COBLL1: variants seen among roughly 807,000 people sequenced by gnomAD.
The protein encoded by COBLL1 is cordon-bleu protein-like 1.
A neutral mutation model predicts 94.8 loss-of-function variants in COBLL1; 50 were observed. The ratio of observed to expected loss-of-function variants is 0.53; its 90% CI spans 0.42 to 0.67. The LOEUF (loss-of-function observed/expected upper bound fraction) is 0.67, where lower values mean the gene tolerates loss of function less well. Ranked by LOEUF, COBLL1 falls within the 30% of genes least tolerant of loss-of-function variation. The probability of loss-of-function intolerance (pLI) is 0.00; values close to 1 mark genes in which losing one functional copy is unlikely to be tolerated. For missense variants in COBLL1, 1,362 were observed against 1,348.7 expected (o/e 1.01, Z -0.15); for synonymous variants, 448 against 473.8 (o/e 0.95, Z 0.71).
intron 2 of COBLL1, among the ~76,000 whole-genome samples, chr2:164,757,343 A>G (rs972851227): frequency 3.3e-5 from 5 of 152,198 alleles, no homozygotes; most frequent in African/African-American, 1.2e-4. Context: ...ACATTTATTC[A>G]CTCAGGATCA....
At chr2:164,841,975 C>G (rs762926514), upstream of COBLL1, 19 of 1,539,690 alleles carry the variant, frequency 1.2e-5, no homozygotes, top group Non-Finnish European at 1.7e-5. This position sits in a 1 kb window ranked among gnomAD's most constrained non-coding sequence, Gnocchi z 5.5. Flanking sequence ...ATTTCCCTGC[C>G]CGGAGTCCGG....
chr2:164,776,449 T>C (rs1574566937), intron 2 of COBLL1, among the ~76,000 whole-genome samples: 1 of 152,286 alleles, frequency 6.6e-6, no homozygotes, highest in South Asian at 2.1e-4. Flanking sequence ...ATGCTTTTCC[T>C]CACTCAGATC....
intron 2 of COBLL1, among the ~76,000 whole-genome samples, chr2:164,774,123 A>G (rs1688347712): frequency 6.6e-6 from 1 of 152,174 alleles, no homozygotes; most frequent in East Asian, 1.9e-4. Context: ...ACATCTGTAT[A>G]ATATTTTTTA....
At chr2:164,767,004 A>T (rs1263220800) in intron 2 of COBLL1, among the ~76,000 whole-genome samples, 1 of 152,190 alleles carries the variant, frequency 6.6e-6, no homozygotes, top group Non-Finnish European at 1.5e-5. Flanking sequence ...TTTGGTATAA[A>T]TGTTCAGTAT....
At chr2:164,829,036 T>A (rs2097150547) in intron 2 of COBLL1, among the ~76,000 whole-genome samples, 1 of 152,174 alleles carries the variant, frequency 6.6e-6, no homozygotes, top group Non-Finnish European at 1.5e-5. Flanking sequence ...TCTCTTTTGC[T>A]TTTTGTGACA....
chr2:164,703,489 GA>G (rs1203200885), intron 9 of COBLL1: 44 of 400,582 alleles, frequency 1.1e-4, no homozygotes, highest in Middle Eastern at 7.3e-4. Context: ...TTCCTTTGTG[GA>G]AAAAAATGGT....
At chr2:164,749,720 T>C (rs1322999174) in intron 2 of COBLL1, among the ~76,000 whole-genome samples, 1 of 152,140 alleles carries the variant, frequency 6.6e-6, no homozygotes, top group East Asian at 1.9e-4. Flanking sequence ...AGTGAGTATG[T>C]CAAAAGGGCT....
At chr2:164,787,608 C>T (rs372346328) in intron 2 of COBLL1, among the ~76,000 whole-genome samples, 1 of 152,064 alleles carries the variant, frequency 6.6e-6, no homozygotes, top group Non-Finnish European at 1.5e-5. Context: ...GCTTCTTATA[C>T]CTTTCCACTC....
chr2:164,744,295 A>G (rs1310305267), intron 2 of COBLL1, among the ~76,000 whole-genome samples: 2 of 151,974 alleles, frequency 1.3e-5, no homozygotes, highest in African/African-American at 4.8e-5. Context: ...CCTTCATCCT[A>G]TTTGTTTCCG....
intron 7 of COBLL1, among the ~76,000 whole-genome samples, chr2:164,710,463 A>G (rs1323335746): frequency 1.3e-5 from 2 of 152,242 alleles, no homozygotes; most frequent in African/African-American, 2.4e-5. Flanking sequence ...ACAGCATTTA[A>G]GTAATATTTA....
chr2:164,758,216 T>TA (rs776731521), intron 2 of COBLL1, among the ~76,000 whole-genome samples: 2 of 151,686 alleles, frequency 1.3e-5, no homozygotes, highest in African/African-American at 2.4e-5. Context: ...CAGATACCAA[T>TA]AACTTAAAAA....
intron 7 of COBLL1, among the ~76,000 whole-genome samples, chr2:164,711,798 T>C (rs1456634986): frequency 6.6e-6 from 1 of 152,164 alleles, no homozygotes; most frequent in East Asian, 1.9e-4. Flanking sequence ...TCTAAAGGCT[T>C]TACAAAATGA....
downstream of COBLL1, among the ~76,000 whole-genome samples, chr2:164,677,837 T>C (rs111770209): frequency 0.014 from 2,129 of 152,296 alleles, 47 homozygotes; most frequent in African/African-American, 0.048. Context: ...TTAGATATTA[T>C]AGAATTCCCT....
chr2:164,699,248 G>T (rs1408195039), intron 11 of COBLL1, among the ~76,000 whole-genome samples, 157 bp downstream of exon 11: 1 of 151,774 alleles, frequency 6.6e-6, no homozygotes, highest in African/African-American at 2.4e-5. Flanking sequence ...TCTGTAAAAT[G>T]GAACTAAAAA....
chr2:164,746,677 T>C (rs558223142), intron 2 of COBLL1, among the ~76,000 whole-genome samples: 1 of 151,998 alleles, frequency 6.6e-6, no homozygotes, highest in East Asian at 1.9e-4. Flanking sequence ...ACAATAAAGT[T>C]GAAAAATCAT....
chr2:164,673,068 TA>T (rs2105388486), intron 1 of COBLL1, among the ~76,000 whole-genome samples: 1 of 152,334 alleles, frequency 6.6e-6, no homozygotes, highest in Admixed American at 6.5e-5. Context: ...TCATGAAATA[TA>T]ATTTTGGAAA....
At chr2:164,829,758 AT>A (rs1279183912) in intron 2 of COBLL1, among the ~76,000 whole-genome samples, 1 of 152,136 alleles carries the variant, frequency 6.6e-6, no homozygotes, top group Non-Finnish European at 1.5e-5. Context: ...ATACTTTAAA[AT>A]TTTTTTCTTG....
intron 2 of COBLL1, among the ~76,000 whole-genome samples, chr2:164,765,548 T>C (rs540856367): frequency 3.9e-5 from 6 of 152,160 alleles, no homozygotes; most frequent in Non-Finnish European, 7.4e-5. Flanking sequence ...AATGGCTATG[T>C]GTGGATTTTC....
intron 2 of COBLL1, among the ~76,000 whole-genome samples, chr2:164,808,473 A>G (rs1457046787): frequency 6.6e-6 from 1 of 152,152 alleles, no homozygotes; most frequent in East Asian, 1.9e-4. Flanking sequence ...TCTATCTTCC[A>G]CCATTCTAAA....
Sources: allele counts gnomAD v4.1 joint callset (sites outside exome capture counted in the v4.1 genomes callset), GRCh38; gene constraint gnomAD v4.1.1; non-coding constraint Gnocchi (gnomAD v3.1); transcripts MANE v1.5; gene names NCBI Gene and HGNC (gene_info 2026-07-23, HGNC 2026-07-21).